Variants in C3orf33 observed in about 807,000 individuals in gnomAD.
C3orf33 encodes mitochondrial inner membrane subdomain organizer 1.
In C3orf33, 23 loss-of-function variants were observed where a neutral mutation model predicts 28.7. The observed-to-expected ratio is 0.80, with a 90% CI of 0.58 to 1.13. The LOEUF is 1.13. Ranked by LOEUF, C3orf33 falls within the 50% of genes most tolerant of loss-of-function variation. C3orf33 has a pLI of 0.00. For missense variants in C3orf33, 327 were observed against 353.4 expected (o/e 0.93, Z 0.60); for synonymous variants, 119 against 120.5 (o/e 0.99, Z 0.08).
intron 2 of C3orf33, among the ~76,000 whole-genome samples, chr3:155,789,097 A>G (rs1751234616): frequency 6.6e-6 from 1 of 152,238 alleles, no homozygotes; most frequent in Admixed American, 6.5e-5. Context: ...CTGTAATCCC[A>G]GCACTTTGGG....
At chr3:155,793,141 T>C (rs142143040) in intron 2 of C3orf33, among the ~76,000 whole-genome samples, 127 of 151,022 alleles carry the variant, frequency 8.4e-4, no homozygotes, top group African/African-American at 3.0e-3. Flanking sequence ...GACTTTTCAG[T>C]GAAATCCTTA....
intron 2 of C3orf33, among the ~76,000 whole-genome samples, chr3:155,786,940 T>A (rs1020213672): frequency 3.3e-5 from 5 of 152,100 alleles, no homozygotes; most frequent in African/African-American, 1.2e-4. Flanking sequence ...TAATCAAAAA[T>A]CTCCCAACAA....
At chr3:155,796,796 A>G (rs1306729298) in intron 2 of C3orf33, among the ~76,000 whole-genome samples, 1 of 152,246 alleles carries the variant, frequency 6.6e-6, no homozygotes, top group African/African-American at 2.4e-5. Context: ...ATCAAATTCA[A>G]CAACATATTA....
At chr3:155,777,997 A>G (rs767651975) in intron 2 of C3orf33, among the ~76,000 whole-genome samples, 75 of 152,152 alleles carry the variant, frequency 4.9e-4, no homozygotes, top group Non-Finnish European at 7.5e-4. Flanking sequence ...TAAAAATACA[A>G]AAATTAGCTG....
intron 3 of C3orf33, among the ~76,000 whole-genome samples, chr3:155,772,329 T>C (rs1214128530): frequency 1.3e-5 from 2 of 152,052 alleles, no homozygotes; most frequent in Admixed American, 1.3e-4. Flanking sequence ...CCTACAGACA[T>C]GAGATGAAAA....
chr3:155,790,779 T>C (rs1751291904), intron 2 of C3orf33, among the ~76,000 whole-genome samples: 2 of 152,110 alleles, frequency 1.3e-5, no homozygotes, highest in African/African-American at 2.4e-5. Flanking sequence ...AGACCAGCCC[T>C]AGCCAGAAGG....
chr3:155,806,082 G>A (rs1243641912), intron 1 of C3orf33, 57 bp downstream of exon 1: 4 of 1,228,196 alleles, frequency 3.3e-6, no homozygotes, highest in Non-Finnish European at 4.3e-6. Flanking sequence ...GTTGTTCTCA[G>A]GGTCGCTCTG....
In C3orf33 at chr3:155,763,922, G is replaced by C. The variant is rs1427222429; in HGVS notation, c.484-4C>G. 1 of 1,399,796 alleles carries C rather than the reference G, an allele frequency of 7.1e-7. No individual in the cohort carries two copies. The highest frequency in any genetic ancestry group is 3.4e-5 in the Admixed American group (1 of 29,810). The allele number at this position is 1,399,796 out of a possible 1,614,324, so 86.7% of individuals were successfully genotyped here. ...GATTCACGCTGAAATATCCACCCTT[G>C]AATTTAAAAATAATACAAACCAATT... On this transcript the variant is annotated splice_region_variant and splice_polypyrimidine_tract_variant and intron_variant, in intron 4 of 4. Transcript: ENST00000340171.
chr3:155,763,637 T>C lies in C3orf33; in HGVS notation c.765A>G (p.Glu255=), dbSNP rs757310431. Residue 255 remains glutamate (E), a synonymous_variant, in exon 5 of 5, where the codon GAA becomes GAG. Transcript: ENST00000340171. ...TTGSDFSLKK[E]SYYEKLKRTY... ...TCCTTTTAAGTTTTTCATAATAACT[T>C]TCTTTTTTCAAGCTGAAATCTGATC... 6.9e-6 allele frequency: 11 copies of C among 1,597,038 alleles called. 1 individual carries two copies. Among genetic ancestry groups the C allele is most frequent in the Middle Eastern group, 1.7e-4 (1 of 5,988 alleles).
At chr3:155,776,896 C>T (rs1163749539) in intron 2 of C3orf33, among the ~76,000 whole-genome samples, 1 of 150,868 alleles carries the variant, frequency 6.6e-6, no homozygotes, top group Non-Finnish European at 1.5e-5. Context: ...TAGAATAAAT[C>T]ACTTGGTTTT....
chr3:155,794,114 TG>T (rs1279411078), intron 2 of C3orf33, among the ~76,000 whole-genome samples: 1 of 152,012 alleles, frequency 6.6e-6, no homozygotes, highest in East Asian at 2.0e-4. Flanking sequence ...CCCAAGTAGC[TG>T]GGATTACAGG....
At chr3:155,797,457 A>G (rs191975294) in intron 2 of C3orf33, among the ~76,000 whole-genome samples, 4 of 152,328 alleles carry the variant, frequency 2.6e-5, no homozygotes, top group Admixed American at 2.6e-4. Flanking sequence ...TCCTAGCTAG[A>G]GCACTCAGAC....
intron 3 of C3orf33, among the ~76,000 whole-genome samples, chr3:155,768,262 A>G (rs1331615137): frequency 6.6e-6 from 1 of 152,162 alleles, no homozygotes; most frequent in Non-Finnish European, 1.5e-5. Context: ...TCCCATGCTT[A>G]TTTTTACACA....
At chr3:155,789,078 G>A (rs1484993681) in intron 2 of C3orf33, among the ~76,000 whole-genome samples, 5 of 152,180 alleles carry the variant, frequency 3.3e-5, no homozygotes, top group African/African-American at 1.2e-4. Context: ...CAGGTGTGGT[G>A]GCTCACGCCT....
intron 2 of C3orf33, among the ~76,000 whole-genome samples, chr3:155,801,953 T>C (rs1374033420): frequency 6.6e-6 from 1 of 152,186 alleles, no homozygotes; most frequent in Non-Finnish European, 1.5e-5. Context: ...GGTTTCATCA[T>C]GTTGGCCAGG....
At chr3:155,790,339 A>G (rs1281106262) in intron 2 of C3orf33, among the ~76,000 whole-genome samples, 1 of 152,000 alleles carries the variant, frequency 6.6e-6, no homozygotes, top group Admixed American at 6.6e-5. Context: ...AAAAAAAAAT[A>G]TAGGGCAAAA....
chr3:155,801,419 T>C (rs1164630900), intron 2 of C3orf33, among the ~76,000 whole-genome samples: 1 of 152,100 alleles, frequency 6.6e-6, no homozygotes, highest in Admixed American at 6.6e-5. Flanking sequence ...GATATTTGTA[T>C]ATGCATGTTC....
chr3:155,764,757 G>A (rs1287303289), intron 4 of C3orf33, among the ~76,000 whole-genome samples: 4 of 152,004 alleles, frequency 2.6e-5, no homozygotes. Flanking sequence ...TCAGAAGGCT[G>A]AGGCAGGAGA....
intron 2 of C3orf33, among the ~76,000 whole-genome samples, chr3:155,795,848 C>T (rs1475377439): frequency 6.6e-6 from 1 of 151,932 alleles, no homozygotes; most frequent in Non-Finnish European, 1.5e-5. Flanking sequence ...CCCAGCTAAT[C>T]AGGAGGCTGA....
Sources: allele counts gnomAD v4.1 joint callset (sites outside exome capture counted in the v4.1 genomes callset), GRCh38; gene constraint gnomAD v4.1.1; transcripts MANE v1.5; gene names NCBI Gene and HGNC (gene_info 2026-07-23, HGNC 2026-07-21).